The following CACNA1C variants were observed in gnomAD, a reference collection of about 807,000 sequenced individuals.
CACNA1C encodes the protein voltage-dependent L-type calcium channel subunit alpha-1C.
Under a neutral mutation model 229.0 loss-of-function variants are expected in CACNA1C, and 30 were observed. The ratio of observed to expected loss-of-function variants is 0.13; its 90% CI spans 0.10 to 0.18. The LOEUF (loss-of-function observed/expected upper bound fraction) is 0.18. Ranked by LOEUF, CACNA1C falls within the 10% of genes least tolerant of loss-of-function variation. CACNA1C has a pLI of 1.00. For missense variants in CACNA1C, 1,658 were observed against 2,845.0 expected, an observed-to-expected ratio of 0.58 and a Z score of 9.49; for synonymous variants, 1,114 against 1,132.5, an observed-to-expected ratio of 0.98 and a Z score of 0.33.
intron 3 of CACNA1C, among the ~76,000 whole-genome samples, chr12:2,242,505 A>G (rs1358436849): frequency 6.6e-6 from 1 of 152,232 alleles, no homozygotes; most frequent in East Asian, 1.9e-4. Context: ...TTTCAAGGCA[A>G]AAATTTGGAT....
At chr12:2,206,333 G>C (rs767785116) in intron 3 of CACNA1C, among the ~76,000 whole-genome samples, 4 of 152,216 alleles carry the variant, frequency 2.6e-5, no homozygotes, top group Non-Finnish European at 5.9e-5. Flanking sequence ...GAGACTCTGA[G>C]GGTTGGGAGA....
At chr12:2,225,115 T>C (rs1199870205) in intron 3 of CACNA1C, among the ~76,000 whole-genome samples, 5 of 152,222 alleles carry the variant, frequency 3.3e-5, no homozygotes, top group African/African-American at 1.2e-4. Context: ...TCTCTGCTTT[T>C]TGTTTTTCCA....
chr12:2,318,639 T>C (rs759299547), intron 3 of CACNA1C, among the ~76,000 whole-genome samples: 4 of 152,230 alleles, frequency 2.6e-5, no homozygotes, highest in Non-Finnish European at 4.4e-5. Context: ...TGAGTGCTGA[T>C]TCCCAGCTTG....
At chr12:2,383,590 C>T (rs2098308461) in intron 3 of CACNA1C, among the ~76,000 whole-genome samples, 1 of 152,188 alleles carries the variant, frequency 6.6e-6, no homozygotes, top group Non-Finnish European at 1.5e-5. Flanking sequence ...GGAATTTTCA[C>T]TGCCTCGTCT....
At chr12:2,620,095 G>A (rs2082498834) in intron 29 of CACNA1C, among the ~76,000 whole-genome samples, 1 of 152,184 alleles carries the variant, frequency 6.6e-6, no homozygotes, top group Non-Finnish European at 1.5e-5. Context: ...CATGAAGCTG[G>A]ATATTTTACT....
chr12:2,310,204 C>T lies in CACNA1C; in HGVS notation c.478-138772C>T, dbSNP rs191465295. On this transcript the variant is annotated intron_variant, in intron 3 of 46. Coordinates refer to ENST00000399655, the MANE Select transcript of CACNA1C (RefSeq NM_000719.7). ...TTACACACAAGGAAACTGAGGTGCT[C>T]GGAGAGGCTACATAACTGAACCCAA... Among the ~76,000 whole-genome samples the T allele has an allele frequency of 2.2e-3, 335 of 152,110 alleles. 1 individual carries two copies. The highest frequency in any genetic ancestry group is 7.7e-3 in the African/African-American group (321 of 41,474).
At chr12:2,147,267 A>G (rs1458816705) in intron 3 of CACNA1C, among the ~76,000 whole-genome samples, 2 of 151,340 alleles carry the variant, frequency 1.3e-5, no homozygotes, top group African/African-American at 4.8e-5. Flanking sequence ...GGCTGACTAG[A>G]GAGAGAGGAA....
intron 3 of CACNA1C, among the ~76,000 whole-genome samples, chr12:2,433,179 G>T (rs2154558817): frequency 1.3e-5 from 2 of 152,322 alleles, no homozygotes; most frequent in Middle Eastern, 6.8e-3. Context: ...TATAGATGCT[G>T]CCCTGTGCCC....
chr12:2,141,316 G>T (rs1361630671), intron 3 of CACNA1C, among the ~76,000 whole-genome samples: 1 of 151,302 alleles, frequency 6.6e-6, no homozygotes, highest in East Asian at 1.9e-4. Flanking sequence ...ATAGGCGAGG[G>T]TTACGGCCTT....
intron 3 of CACNA1C, among the ~76,000 whole-genome samples, chr12:2,400,366 A>G (rs1390587638): frequency 6.6e-6 from 1 of 152,176 alleles, no homozygotes; most frequent in Non-Finnish European, 1.5e-5. Context: ...GGTGGTGCCT[A>G]CGGGGCAGGG....
chr12:2,453,359 T>C (rs1186862298), intron 4 of CACNA1C, among the ~76,000 whole-genome samples: 1 of 152,144 alleles, frequency 6.6e-6, no homozygotes, highest in African/African-American at 2.4e-5. Flanking sequence ...AGCCTATTGC[T>C]CCTGAATGAA....
intron 3 of CACNA1C, among the ~76,000 whole-genome samples, chr12:2,290,605 C>T (rs976164576): frequency 6.6e-5 from 10 of 152,098 alleles, no homozygotes; most frequent in African/African-American, 9.7e-5. Flanking sequence ...GCAGTGGAAA[C>T]GTGATTAATT....
rs146652728 is a variant in CACNA1C at position 2,328,070 on chromosome 12, T to G, written c.478-120906T>G. On this transcript the variant is annotated intron_variant, in intron 3 of 46. Coordinates refer to ENST00000399655, the MANE Select transcript of CACNA1C (RefSeq NM_000719.7). The stretch of plus-strand genomic sequence containing the variant: ...TGCAGAGGAAGATTTTGATAGAACT[T>G]CAGCCAAAAGAGTAGTTTCATTAGA... Among the ~76,000 whole-genome samples, 51 of 152,318 alleles carry G rather than the reference T, an allele frequency of 3.3e-4. 1 individual carries two copies. The East Asian group carries it at 4.6e-3, about 14-fold the overall frequency.
At position 2,605,204 on chromosome 12, in the gene CACNA1C, G is replaced by T. The variant is rs771796489; in HGVS notation, c.3048+36G>T. ...GGCTTGGGTAGGGAGTCTCCAGCCAGCCCATTGGGGAGTGGGAGCTCCACA... is the reference window on the plus strand; with the variant it reads ...GGCTTGGGTAGGGAGTCTCCAGCCATCCCATTGGGGAGTGGGAGCTCCACA... On this transcript the variant is annotated intron_variant, in intron 23 of 46. Coordinates refer to ENST00000399655, the MANE Select transcript of CACNA1C (RefSeq NM_000719.7). The surrounding 1 kb of genome is among the most constrained non-coding windows in gnomAD (Gnocchi z 6.2). 4.9e-6 allele frequency: 7 copies of T among 1,430,124 alleles called. No homozygotes were observed. The African/African-American group carries it at 9.8e-5, about 20-fold the overall frequency. The allele number at this position is 1,430,124 out of a possible 1,614,324, so 88.6% of individuals were successfully genotyped here. A position where few individuals can be genotyped will look rare whatever the true frequency, so the allele number is the denominator to read the frequency against.
At position 2,688,450 on chromosome 12, in the gene CACNA1C, T is replaced by TTGGCAG. The variant is rs1569282228; in HGVS notation, c.5795_5800dup (p.Val1932_Ala1933dup). ...CACACTCCTTGTGTGTCCGCAGGCA[T>TTGGCAG]TGGCAGTGGCAGGCCTGAGCCCCCT... On this transcript the variant is annotated inframe_insertion, in exon 46 of 47. Transcript: ENST00000399655. 6.2e-7 allele frequency: 1 copy of TTGGCAG among 1,613,798 alleles called. No homozygotes were observed. The highest frequency in any genetic ancestry group is 8.5e-7 in the Non-Finnish European group (1 of 1,179,848).
At chr12:2,610,271 A>T (rs2077078940) in intron 27 of CACNA1C, among the ~76,000 whole-genome samples, 2 of 152,126 alleles carry the variant, frequency 1.3e-5, no homozygotes, top group African/African-American at 2.4e-5. Context: ...TGAGGAAAGG[A>T]GGTGTATGGT....
At chr12:2,528,570 C>T (rs1445346410) in intron 9 of CACNA1C, among the ~76,000 whole-genome samples, 2 of 152,240 alleles carry the variant, frequency 1.3e-5, no homozygotes, top group African/African-American at 2.4e-5. Flanking sequence ...TGCCATGTTA[C>T]CAGGCCAGGC....
chr12:2,561,402 G>C (rs1212054443), intron 11 of CACNA1C, among the ~76,000 whole-genome samples: 6 of 152,256 alleles, frequency 3.9e-5, no homozygotes, highest in Non-Finnish European at 7.3e-5. Flanking sequence ...ACGCAGAGGA[G>C]GCCTGTGAGC....
chr12:2,628,743 CA>C (rs5796018), intron 29 of CACNA1C, among the ~76,000 whole-genome samples: 1 of 151,080 alleles, frequency 6.6e-6, no homozygotes, highest in Non-Finnish European at 1.5e-5. Context: ...CTCATCTCTA[CA>C]AAAAAAAATT....
Sources: gnomAD v4.1 joint callset for allele counts (sites outside exome capture counted in the v4.1 genomes callset) on GRCh38, gnomAD v4.1.1 for gene constraint, Gnocchi (gnomAD v3.1) non-coding constraint, MANE v1.5 for transcripts, NCBI Gene and HGNC (gene_info 2026-07-23, HGNC 2026-07-21) for gene names.